Variants in ZFPM2 observed in about 807,000 individuals in gnomAD.
ZFPM2 encodes zinc finger protein, FOG family member 2.
ZFPM2 carries 20 observed loss-of-function variants against 98.6 expected under a neutral mutation model. That is an observed-to-expected ratio of 0.20 (90% CI 0.14 to 0.29). The LOEUF (loss-of-function observed/expected upper bound fraction) is 0.29, where lower values mean the gene tolerates loss of function less well. Ranked by LOEUF, ZFPM2 falls within the 10% of genes least tolerant of loss-of-function variation. The pLI is 1.00. For missense variants in ZFPM2, 1,310 were observed against 1,388.6 expected, an observed-to-expected ratio of 0.94 and a Z score of 0.90; for synonymous variants, 518 against 502.7, an observed-to-expected ratio of 1.03 and a Z score of -0.41.
intron 1 of ZFPM2, among the ~76,000 whole-genome samples, chr8:105,390,278 C>CACTA (rs1221857344): frequency 1.3e-5 from 2 of 152,084 alleles, no homozygotes; most frequent in African/African-American, 4.8e-5. Flanking sequence ...TATGATAATT[C>CACTA]ACTAGATTAA....
intron 3 of ZFPM2, among the ~76,000 whole-genome samples, chr8:105,484,766 T>G (rs1342496344): frequency 1.3e-5 from 2 of 152,202 alleles, no homozygotes; most frequent in Non-Finnish European, 2.9e-5. Flanking sequence ...CTGTGTGTTT[T>G]CTAATTTGGG....
chr8:105,789,110 G>C, intron 6 of ZFPM2, 186 bp downstream of exon 6: 3 of 543,236 alleles, frequency 5.5e-6, no homozygotes, highest in Non-Finnish European at 9.4e-6. Flanking sequence ...TATACTTTAA[G>C]TTTTAGGATA....
At chr8:105,376,076 G>T (rs1216050335) in intron 1 of ZFPM2, among the ~76,000 whole-genome samples, 3 of 151,814 alleles carry the variant, frequency 2.0e-5, no homozygotes, top group Non-Finnish European at 4.4e-5. Flanking sequence ...TCTGGAAAAA[G>T]CCCTGAGATT....
chr8:105,460,584 G>T (rs1396789478), intron 3 of ZFPM2, among the ~76,000 whole-genome samples: 1 of 152,098 alleles, frequency 6.6e-6, no homozygotes, highest in Non-Finnish European at 1.5e-5. Context: ...GCTTGCATTA[G>T]ACACTCAGGC....
At chr8:105,495,850 A>C (rs1813455682) in intron 3 of ZFPM2, among the ~76,000 whole-genome samples, 1 of 152,200 alleles carries the variant, frequency 6.6e-6, no homozygotes, top group Non-Finnish European at 1.5e-5. Flanking sequence ...TCTTAATCAC[A>C]GCCTATGTGT....
chr8:105,529,788 T>G (rs1308557711), intron 3 of ZFPM2, among the ~76,000 whole-genome samples: 2 of 152,000 alleles, frequency 1.3e-5, no homozygotes, highest in African/African-American at 4.8e-5. Flanking sequence ...TGGAGTGCAG[T>G]AATGTGATCT....
intron 2 of ZFPM2, among the ~76,000 whole-genome samples, chr8:105,429,689 G>A (rs1333150413): frequency 7.4e-6 from 1 of 135,862 alleles, no homozygotes; most frequent in Non-Finnish European, 1.5e-5. Flanking sequence ...CTACAAAAAT[G>A]CAAAGTGATA....
chr8:105,537,769 T>A (rs1295733211), intron 3 of ZFPM2, among the ~76,000 whole-genome samples: 1 of 152,088 alleles, frequency 6.6e-6, no homozygotes, highest in Non-Finnish European at 1.5e-5. Flanking sequence ...TCTTGCTCTG[T>A]CACCAGGCTG....
chr8:105,405,343 A>G (rs1811425247), intron 1 of ZFPM2, among the ~76,000 whole-genome samples: 1 of 151,742 alleles, frequency 6.6e-6, no homozygotes, highest in Non-Finnish European at 1.5e-5. Flanking sequence ...GGTTTGTTAC[A>G]TATGTATACA....
At chr8:105,510,398 G>GT (rs756888707) in intron 3 of ZFPM2, among the ~76,000 whole-genome samples, 208 of 138,812 alleles carry the variant, frequency 1.5e-3, no homozygotes, top group African/African-American at 3.4e-3. Context: ...GTCTGTGCAT[G>GT]TTTTTTTTTT....
chr8:105,625,222 G>A (rs999155448), intron 4 of ZFPM2, among the ~76,000 whole-genome samples: 1 of 151,874 alleles, frequency 6.6e-6, no homozygotes, highest in African/African-American at 2.4e-5. Context: ...TTGAGCTTCA[G>A]TTTCAAAAGT....
chr8:105,488,777 A>G (rs541344731), intron 3 of ZFPM2, among the ~76,000 whole-genome samples: 1 of 152,222 alleles, frequency 6.6e-6, no homozygotes, highest in African/African-American at 2.4e-5. Context: ...AAAATAAAAG[A>G]AAGGTTAAGT....
chr8:105,527,263 T>C (rs1814194438), intron 3 of ZFPM2, among the ~76,000 whole-genome samples: 1 of 152,168 alleles, frequency 6.6e-6, no homozygotes, highest in Admixed American at 6.6e-5. Flanking sequence ...CTCAAGTGTT[T>C]TCCTTAAAAC....
chr8:105,649,504 A>T (rs1817123521), intron 5 of ZFPM2, among the ~76,000 whole-genome samples: 1 of 152,134 alleles, frequency 6.6e-6, no homozygotes, highest in Admixed American at 6.6e-5. Context: ...TCTGTATGAT[A>T]TGGGCTGTGG....
chr8:105,770,629 T>C (rs902434970), intron 5 of ZFPM2, among the ~76,000 whole-genome samples: 1 of 152,098 alleles, frequency 6.6e-6, no homozygotes, highest in Non-Finnish European at 1.5e-5. Context: ...GAGGGCACAT[T>C]ATTTTGTTAT....
intron 6 of ZFPM2, among the ~76,000 whole-genome samples, chr8:105,794,930 C>T (rs952924968): frequency 2.0e-5 from 3 of 152,140 alleles, no homozygotes; most frequent in Non-Finnish European, 4.4e-5. Context: ...TTAAGCCTGT[C>T]GGAAAATCGC....
chr8:105,343,115 G>T (rs1379322622), intron 1 of ZFPM2, among the ~76,000 whole-genome samples: 2 of 152,060 alleles, frequency 1.3e-5, no homozygotes, highest in Non-Finnish European at 2.9e-5. Context: ...CCCTAAAACT[G>T]TTGGTGAACA....
At chr8:105,658,862 C>T (rs1297902460) in intron 5 of ZFPM2, among the ~76,000 whole-genome samples, 1 of 152,058 alleles carries the variant, frequency 6.6e-6, no homozygotes, top group East Asian at 1.9e-4. Flanking sequence ...ACAGCCAAAG[C>T]CCTGAAAAAT....
At chr8:105,357,617 GGTTT>G (rs1812773401) in intron 1 of ZFPM2, among the ~76,000 whole-genome samples, 1 of 151,554 alleles carries the variant, frequency 6.6e-6, no homozygotes, top group South Asian at 2.1e-4. Context: ...AAAGTCAGTT[GGTTT>G]ATGTTTCTTC....
Sources: allele counts gnomAD v4.1 joint callset (sites outside exome capture counted in the v4.1 genomes callset), GRCh38; gene constraint gnomAD v4.1.1; transcripts MANE v1.5; gene names NCBI Gene and HGNC (gene_info 2026-07-23, HGNC 2026-07-21).